The following TCERG1L variants were observed in gnomAD, a reference collection of about 807,000 sequenced individuals.
The protein encoded by TCERG1L is transcription elongation regulator 1-like protein.
In TCERG1L, 37 loss-of-function variants were observed where a neutral mutation model predicts 56.3. That is an observed-to-expected ratio of 0.66 (90% CI 0.51 to 0.87). TCERG1L has a LOEUF of 0.87. TCERG1L is among the 40% of genes least tolerant of loss of function. The pLI is 0.00. For synonymous variants in TCERG1L, 324 were observed against 326.3 expected, an observed-to-expected ratio of 0.99 and a Z score of 0.08; for missense variants, 799 against 774.2, an observed-to-expected ratio of 1.03 and a Z score of -0.38.
At chr10:131,236,388 A>G (rs1436284350) in intron 4 of TCERG1L, among the ~76,000 whole-genome samples, 1 of 152,186 alleles carries the variant, frequency 6.6e-6, no homozygotes, top group Non-Finnish European at 1.5e-5. Context: ...CAGGCAATGG[A>G]CCACATGACA....
intron 4 of TCERG1L, among the ~76,000 whole-genome samples, chr10:131,193,307 G>A (rs757411708): frequency 3.9e-5 from 6 of 152,096 alleles, no homozygotes; most frequent in Non-Finnish European, 7.4e-5. Flanking sequence ...TATTCTCCAG[G>A]TTGTCTGTTC....
intron 3 of TCERG1L, among the ~76,000 whole-genome samples, chr10:131,295,581 A>G (rs1219715282): frequency 1.3e-5 from 2 of 152,204 alleles, no homozygotes; most frequent in East Asian, 1.9e-4. Context: ...TAAAAATTGT[A>G]TTTAATTTTC....
chr10:131,127,575 G>A (rs140567977), intron 8 of TCERG1L, among the ~76,000 whole-genome samples: 37 of 152,330 alleles, frequency 2.4e-4, no homozygotes, highest in African/African-American at 8.4e-4. Flanking sequence ...GGTGAGCTCA[G>A]TATAGCAGCT....
rs1846225148 is a variant in TCERG1L at position 131,260,399 on chromosome 10, G to C, written c.716C>G (p.Ala239Gly). ...GGCAGCGGCGGCGGCGGTGGCGATG[G>C]CAATGGCGGGGCTGCTGGTCACCTT... ...SLKVTSSPAI[A>G]IATAAAAAMV... Residue 239 changes from alanine (A) to glycine (G), a missense_variant, in exon 4 of 12, where the codon GCC becomes GGC. Coordinates refer to ENST00000368642, the MANE Select transcript of TCERG1L (RefSeq NM_174937.4). The surrounding 1 kb of genome is among the most constrained non-coding windows in gnomAD (Gnocchi z 5.8). 1.4e-6 allele frequency: 2 copies of C among 1,475,712 alleles called. No homozygotes were observed. The highest frequency in any genetic ancestry group is 3.0e-5 in the African/African-American group (2 of 67,434). The allele number at this position is 1,475,712 out of a possible 1,614,324, so 91.4% of individuals were successfully genotyped here. A position where few individuals can be genotyped will look rare whatever the true frequency, so the allele number is the denominator to read the frequency against.
At chr10:131,126,787 G>A (rs1403001200) in intron 8 of TCERG1L, among the ~76,000 whole-genome samples, 1 of 152,186 alleles carries the variant, frequency 6.6e-6, no homozygotes, top group African/African-American at 2.4e-5. Context: ...CAGACACCAG[G>A]CCACGTCCTG....
At chr10:131,239,583 C>A (rs558620237) in intron 4 of TCERG1L, among the ~76,000 whole-genome samples, 2 of 152,236 alleles carry the variant, frequency 1.3e-5, no homozygotes, top group Non-Finnish European at 2.9e-5. Flanking sequence ...TCAGACGCAT[C>A]GGCCCTCAGA....
At chr10:131,230,636 T>C (rs545741307) in intron 4 of TCERG1L, among the ~76,000 whole-genome samples, 1 of 152,274 alleles carries the variant, frequency 6.6e-6, no homozygotes, top group South Asian at 2.1e-4. Context: ...AGTGGGACAG[T>C]GGAGATGGGT....
intron 4 of TCERG1L, among the ~76,000 whole-genome samples, chr10:131,230,659 T>G (rs1338691074): frequency 3.3e-5 from 5 of 152,092 alleles, no homozygotes; most frequent in African/African-American, 1.2e-4. Flanking sequence ...GTGGCTCGGG[T>G]CCACTACTCC....
At chr10:131,119,090 A>G (rs1589779709) in intron 8 of TCERG1L, among the ~76,000 whole-genome samples, 1 of 152,118 alleles carries the variant, frequency 6.6e-6, no homozygotes, top group African/African-American at 2.4e-5. Flanking sequence ...CAAACAGGAA[A>G]AGGTCATCTA....
chr10:131,216,121 T>C (rs1240773305), intron 4 of TCERG1L, among the ~76,000 whole-genome samples: 1 of 152,152 alleles, frequency 6.6e-6, no homozygotes, highest in African/African-American at 2.4e-5. Flanking sequence ...TAAAAACAGT[T>C]TCACATTAGC....
intron 4 of TCERG1L, among the ~76,000 whole-genome samples, chr10:131,176,897 GAC>G (rs1846162555): frequency 2.6e-4 from 5 of 19,180 alleles, no homozygotes; most frequent in Non-Finnish European, 6.3e-4. Context: ...TGCACACACA[GAC>G]ACATTCACAC....
chr10:131,188,655 G>C (rs772905663), intron 4 of TCERG1L, among the ~76,000 whole-genome samples: 2 of 151,794 alleles, frequency 1.3e-5, no homozygotes, highest in African/African-American at 4.8e-5. Flanking sequence ...TACTGACTTG[G>C]GATATTTTTC....
intron 8 of TCERG1L, among the ~76,000 whole-genome samples, chr10:131,125,989 G>A (rs1845561818): frequency 6.6e-6 from 1 of 152,218 alleles, no homozygotes; most frequent in Non-Finnish European, 1.5e-5. Context: ...CTGGAGGAGC[G>A]ATCATGAGTT....
chr10:131,176,833 T>TGC (rs1846160154), intron 4 of TCERG1L, among the ~76,000 whole-genome samples: 2 of 131,874 alleles, frequency 1.5e-5, no homozygotes, highest in Admixed American at 1.5e-4. Flanking sequence ...CAGACACGTG[T>TGC]ACACACAGGC....
In TCERG1L at chr10:131,311,248, CA is replaced by C. The variant is rs1468498997; in HGVS notation, c.342+45del. On this transcript the variant is annotated intron_variant, in intron 1 of 11. Coordinates refer to ENST00000368642, the MANE Select transcript of TCERG1L (RefSeq NM_174937.4). This position sits in a 1 kb window ranked among gnomAD's most constrained non-coding sequence, Gnocchi z 4.0. ...GGGCCGGGCAGGGCGCGCCCAGGAGCAGGGGAGACGGCGACCCGGGCCGAGG... is the reference window on the plus strand; with the variant it reads ...GGGCCGGGCAGGGCGCGCCCAGGAGCGGGGAGACGGCGACCCGGGCCGAGG... 1 of 1,185,326 alleles carries C rather than the reference CA, an allele frequency of 8.4e-7. No individual in the cohort carries two copies. The highest frequency in any genetic ancestry group is 1.6e-5 in the African/African-American group (1 of 62,584). 73.4% of individuals were successfully genotyped at this position (1,185,326 alleles called of 1,614,324 possible).
chr10:131,287,298 A>C (rs1846556108), intron 3 of TCERG1L, among the ~76,000 whole-genome samples: 1 of 152,324 alleles, frequency 6.6e-6, no homozygotes, highest in African/African-American at 2.4e-5. Flanking sequence ...TAGTCTCAAC[A>C]CTAACACAGT....
chr10:131,108,237 G>A (rs1000083351), intron 9 of TCERG1L, among the ~76,000 whole-genome samples: 2 of 152,190 alleles, frequency 1.3e-5, no homozygotes, highest in African/African-American at 4.8e-5. Context: ...CCCCACCCCA[G>A]AAATAAGACA....
intron 6 of TCERG1L, among the ~76,000 whole-genome samples, chr10:131,159,056 T>C (rs117411842): frequency 6.6e-6 from 1 of 152,188 alleles, no homozygotes; most frequent in Non-Finnish European, 1.5e-5. Context: ...CACAAGACCT[T>C]TCCCTGCTTT....
At chr10:131,198,353 G>A (rs1415236866) in intron 4 of TCERG1L, among the ~76,000 whole-genome samples, 5 of 152,252 alleles carry the variant, frequency 3.3e-5, no homozygotes, top group African/African-American at 7.2e-5. Context: ...AGGTCCCCTG[G>A]TGACCCATTG....
Sources: allele counts gnomAD v4.1 joint callset (sites outside exome capture counted in the v4.1 genomes callset), GRCh38; gene constraint gnomAD v4.1.1; non-coding constraint Gnocchi (gnomAD v3.1); transcripts MANE v1.5; gene names NCBI Gene and HGNC (gene_info 2026-07-23, HGNC 2026-07-21).